The following SLIT2 variants were observed in gnomAD, a reference collection of about 807,000 sequenced individuals.
The protein encoded by SLIT2 is slit homolog 2 protein.
Under a neutral mutation model 185.7 loss-of-function variants are expected in SLIT2, and 41 were observed. The observed-to-expected ratio is 0.22, with a 90% CI of 0.17 to 0.29. SLIT2 has a LOEUF of 0.29. SLIT2 is among the 10% of genes least tolerant of loss of function. The pLI, the probability that SLIT2 is intolerant of heterozygous loss-of-function variation, is 1.00. For missense variants in SLIT2, 1,571 were observed against 1,909.0 expected (o/e 0.82, Z 3.30); for synonymous variants, 693 against 680.2 (o/e 1.02, Z -0.29).
intron 4 of SLIT2, among the ~76,000 whole-genome samples, chr4:20,280,548 CA>C (rs1044390400): frequency 6.6e-6 from 1 of 151,904 alleles, no homozygotes; most frequent in African/African-American, 2.4e-5. Context: ...CAGAATTTAG[CA>C]GAAGGCCTCC....
chr4:20,604,927 C>A lies in SLIT2; in HGVS notation c.3693-5086C>A, dbSNP rs1042686612. 4.6e-5 allele frequency among the ~76,000 whole-genome samples: 7 copies of A among 152,064 alleles called. No homozygotes were observed. In the South Asian group the frequency reaches 1.5e-3, roughly 32 times the overall value. On this transcript the variant is annotated intron_variant, in intron 33 of 36. Transcript: ENST00000504154. Reference sequence around the variant, plus strand: ...CTCGCCTCACTGCAACCTCCACCTCCCGGGTTCAAGCGATTCTCCTGCCTC... The same window carrying A: ...CTCGCCTCACTGCAACCTCCACCTCACGGGTTCAAGCGATTCTCCTGCCTC...
intron 4 of SLIT2, among the ~76,000 whole-genome samples, chr4:20,410,557 A>G (rs1727162781): frequency 6.6e-6 from 1 of 151,804 alleles, no homozygotes; most frequent in Non-Finnish European, 1.5e-5. Flanking sequence ...CCTGGCTCAC[A>G]TTTAAGTCTT....
At chr4:20,508,867 G>A (rs1340760910) in intron 9 of SLIT2, among the ~76,000 whole-genome samples, 1 of 152,058 alleles carries the variant, frequency 6.6e-6, no homozygotes, top group Non-Finnish European at 1.5e-5. Context: ...GTGAAATAAA[G>A]AGGTCAGAGA....
intron 4 of SLIT2, among the ~76,000 whole-genome samples, chr4:20,452,616 T>G (rs980876827): frequency 6.6e-6 from 1 of 152,172 alleles, no homozygotes; most frequent in Admixed American, 6.5e-5. Context: ...TTCTTTCTCT[T>G]TTGTCTTTTG....
intron 28 of SLIT2, 67 bp from the exon 29 acceptor site, chr4:20,568,798 A>T: frequency 6.9e-7 from 1 of 1,449,438 alleles, no homozygotes; most frequent in Admixed American, 1.8e-5. Flanking sequence ...TTTTTTCAAT[A>T]TTTAGACCAC....
At chr4:20,378,550 A>G (rs1408443389) in intron 4 of SLIT2, among the ~76,000 whole-genome samples, 6 of 152,174 alleles carry the variant, frequency 3.9e-5, no homozygotes, top group Non-Finnish European at 8.8e-5. Flanking sequence ...TATCATCTAT[A>G]TAGTTATCAC....
intron 34 of SLIT2, chr4:20,615,981 G>T (rs959259295): frequency 6.6e-6 from 1 of 152,264 alleles, no homozygotes; most frequent in Non-Finnish European, 1.5e-5. Flanking sequence ...TAAGGGTCTG[G>T]CTTAGGCCAT....
chr4:20,421,743 A>G (rs1728188049), intron 4 of SLIT2, among the ~76,000 whole-genome samples: 1 of 152,196 alleles, frequency 6.6e-6, no homozygotes, highest in Non-Finnish European at 1.5e-5. Flanking sequence ...ATTCACTAAC[A>G]TAGCCCATGA....
chr4:20,413,408 G>A (rs1487169545), intron 4 of SLIT2, among the ~76,000 whole-genome samples: 1 of 151,998 alleles, frequency 6.6e-6, no homozygotes, highest in East Asian at 1.9e-4. Context: ...GAATTAATGT[G>A]TATTTTTATT....
At chr4:20,313,907 G>T (rs1718348982) in intron 4 of SLIT2, among the ~76,000 whole-genome samples, 1 of 152,146 alleles carries the variant, frequency 6.6e-6, no homozygotes, top group Non-Finnish European at 1.5e-5. Context: ...ATCAGCACTG[G>T]TCCAGGCCCA....
chr4:20,555,650 C>T (rs1264093316), intron 26 of SLIT2, among the ~76,000 whole-genome samples: 1 of 151,982 alleles, frequency 6.6e-6, no homozygotes, highest in African/African-American at 2.4e-5. Context: ...CCTATACATA[C>T]CCTCAACGTT....
intron 29 of SLIT2, among the ~76,000 whole-genome samples, chr4:20,585,594 C>T (rs945518782): frequency 2.6e-5 from 4 of 152,192 alleles, no homozygotes; most frequent in African/African-American, 9.7e-5. Flanking sequence ...CACATTGCCC[C>T]AAACCACTCC....
At chr4:20,268,727 A>G in intron 3 of SLIT2, 83 bp from the exon 4 acceptor site, 1 of 864,144 alleles carries the variant, frequency 1.2e-6, no homozygotes, top group South Asian at 1.3e-5. Context: ...GAAATACAGG[A>G]TGAGGCATGA....
intron 4 of SLIT2, among the ~76,000 whole-genome samples, chr4:20,429,841 A>T (rs1728835280): frequency 6.6e-6 from 1 of 152,208 alleles, no homozygotes; most frequent in African/African-American, 2.4e-5. Context: ...ATGAAGCTGG[A>T]GGGTGAAGAG....
chr4:20,255,105 G>A (rs759516629), intron 1 of SLIT2: 1 of 454,990 alleles, frequency 2.2e-6, no homozygotes, highest in Non-Finnish European at 4.4e-6. Context: ...TTGCGTGTGG[G>A]CCGGGAGTAA....
intron 33 of SLIT2, among the ~76,000 whole-genome samples, chr4:20,604,820 A>G (rs969345961): frequency 2.0e-5 from 3 of 151,186 alleles, no homozygotes; most frequent in Non-Finnish European, 3.0e-5. Context: ...AGCGTGGAAT[A>G]TGTCACCAGA....
chr4:20,501,444 C>G (rs570978400), intron 9 of SLIT2, among the ~76,000 whole-genome samples: 1 of 152,094 alleles, frequency 6.6e-6, no homozygotes, highest in Non-Finnish European at 1.5e-5. Flanking sequence ...TGCCACCACA[C>G]CCGGCTTTTT....
intron 4 of SLIT2, among the ~76,000 whole-genome samples, chr4:20,447,513 C>T (rs552845692): frequency 8.5e-5 from 13 of 152,244 alleles, no homozygotes; most frequent in East Asian, 3.9e-4. Context: ...TGAATTTTAA[C>T]GTCTTTTTTT....
At chr4:20,280,935 C>T (rs568620054) in intron 4 of SLIT2, among the ~76,000 whole-genome samples, 26 of 150,922 alleles carry the variant, frequency 1.7e-4, no homozygotes, top group Non-Finnish European at 1.8e-4. Context: ...TGGGTTCAAG[C>T]GATTCTCCTA....
Sources: gnomAD v4.1 joint callset for allele counts (sites outside exome capture counted in the v4.1 genomes callset) on GRCh38, gnomAD v4.1.1 for gene constraint, MANE v1.5 for transcripts, NCBI Gene and HGNC (gene_info 2026-07-23, HGNC 2026-07-21) for gene names.